Variants in GCNT2 observed in about 807,000 individuals in gnomAD.
GCNT2 encodes glucosaminyl (N-acetyl) transferase 2 (I blood group).
Under a neutral mutation model 34.2 loss-of-function variants are expected in GCNT2, and 34 were observed. The ratio of observed to expected loss-of-function variants is 1.00; its 90% CI spans 0.76 to 1.32. The LOEUF (loss-of-function observed/expected upper bound fraction) is 1.32, where lower values mean the gene tolerates loss of function less well. Among genes scored for constraint, GCNT2 ranks in the 40% most tolerant of loss-of-function variants. The pLI, the probability that GCNT2 is intolerant of heterozygous loss-of-function variation, is 0.00. For synonymous variants in GCNT2, 212 were observed against 188.0 expected (o/e 1.13, Z -1.04); for missense variants, 584 against 489.4 (o/e 1.19, Z -1.82).
chr6:10,556,380 T>TA (rs746013820), intron 3 of GCNT2: 39 of 1,611,822 alleles, frequency 2.4e-5, no homozygotes, highest in East Asian at 8.9e-5. Flanking sequence ...AAAAAAGACT[T>TA]ACAGATTTTG....
At chr6:10,587,187 C>T (rs567851217) in intron 3 of GCNT2, among the ~76,000 whole-genome samples, 26 of 152,296 alleles carry the variant, frequency 1.7e-4, no homozygotes, top group Admixed American at 1.4e-3. Flanking sequence ...TAATACTTTT[C>T]GTAGTCCTTG....
intron 3 of GCNT2, among the ~76,000 whole-genome samples, chr6:10,567,204 A>G (rs569141228): frequency 6.6e-6 from 1 of 152,328 alleles, no homozygotes; most frequent in South Asian, 2.1e-4. Context: ...ACACACCTGT[A>G]TTCCCAGCTA....
chr6:10,527,617 CAGA>C lies in GCNT2; in HGVS notation c.-324_-322del, dbSNP rs1561775771. ...GTATAATCTGATTGGCATGGACTCACAGAGGAGGGAGTAAGGGAAGAGTAAGAA... is the reference window on the plus strand; with the variant it reads ...GTATAATCTGATTGGCATGGACTCACGGAGGGAGTAAGGGAAGAGTAAGAA... On this transcript the variant is annotated 5_prime_UTR_variant, in exon 2 of 5. Coordinates refer to ENST00000495262, the MANE Select transcript of GCNT2 (RefSeq NM_145649.5). The C allele has an allele frequency of 6.6e-6, 1 of 152,054 alleles. No homozygotes were observed. Among genetic ancestry groups the C allele is most frequent in the African/African-American group, 2.4e-5 (1 of 41,378 alleles). The allele number at this position is 152,054 out of a possible 1,614,324, so 9.4% of individuals were successfully genotyped here. A position where few individuals can be genotyped will look rare whatever the true frequency, so the allele number is the denominator to read the frequency against.
At chr6:10,586,292 G>C (rs538300967) in intron 3 of GCNT2, 1 of 1,614,134 alleles carries the variant, frequency 6.2e-7, no homozygotes, top group South Asian at 1.1e-5. Context: ...CCTATGTCAT[G>C]GTCATCCATA....
At chr6:10,582,022 ATATCATATG>A (rs1764091640) in intron 3 of GCNT2, 4 of 195,262 alleles carry the variant, frequency 2.0e-5, no homozygotes, top group Non-Finnish European at 3.6e-5. Context: ...ATATATGTAT[ATATCATATG>A]TATTATATGT....
At chr6:10,535,748 T>C (rs1193881031) in intron 3 of GCNT2, among the ~76,000 whole-genome samples, 1 of 152,272 alleles carries the variant, frequency 6.6e-6, no homozygotes, top group East Asian at 1.9e-4. Context: ...CAGCCTTTCC[T>C]GGGAGCAGGC....
chr6:10,565,632 C>T (rs1333207608), intron 3 of GCNT2, among the ~76,000 whole-genome samples: 2 of 152,204 alleles, frequency 1.3e-5, no homozygotes, highest in Non-Finnish European at 2.9e-5. Context: ...TGCCCGTTGC[C>T]TTTTCGCAAT....
intron 3 of GCNT2, among the ~76,000 whole-genome samples, chr6:10,616,696 G>A (rs1765782135): frequency 6.6e-6 from 1 of 152,146 alleles, no homozygotes; most frequent in East Asian, 1.9e-4. Context: ...CACAAACCCT[G>A]AGCTAGACAC....
intron 3 of GCNT2, among the ~76,000 whole-genome samples, chr6:10,598,013 G>C (rs567417099): frequency 6.6e-6 from 1 of 152,260 alleles, no homozygotes; most frequent in East Asian, 1.9e-4. Flanking sequence ...TTTAACCTTT[G>C]TCTGTAGATA....
chr6:10,596,294 C>T (rs878861242), intron 3 of GCNT2, among the ~76,000 whole-genome samples: 1 of 152,052 alleles, frequency 6.6e-6, no homozygotes, highest in East Asian at 1.9e-4. Flanking sequence ...GAGGCCTAGG[C>T]GGGTGGATCA....
chr6:10,563,027 C>T (rs114251021), intron 3 of GCNT2, among the ~76,000 whole-genome samples: 101 of 152,216 alleles, frequency 6.6e-4, no homozygotes, highest in African/African-American at 2.0e-3. Flanking sequence ...GTGTGGTGCA[C>T]GCCTGTAATC....
At chr6:10,542,026 G>T (rs1432670955) in intron 3 of GCNT2, among the ~76,000 whole-genome samples, 1 of 152,152 alleles carries the variant, frequency 6.6e-6, no homozygotes, top group Non-Finnish European at 1.5e-5. Flanking sequence ...CTTGGCGTCA[G>T]ATTGAATTCA....
At chr6:10,524,397 C>CT (rs1279488678) in intron 1 of GCNT2, among the ~76,000 whole-genome samples, 1 of 151,934 alleles carries the variant, frequency 6.6e-6, no homozygotes, top group Non-Finnish European at 1.5e-5. Flanking sequence ...AATTAACAGG[C>CT]ATGCGCCACC....
intron 3 of GCNT2, among the ~76,000 whole-genome samples, chr6:10,547,556 A>G (rs1357437626): frequency 6.6e-6 from 1 of 152,234 alleles, no homozygotes; most frequent in Non-Finnish European, 1.5e-5. Flanking sequence ...GTAGAGCCTT[A>G]TAATGATGAT....
At chr6:10,568,891 A>G (rs1763401800) in intron 3 of GCNT2, among the ~76,000 whole-genome samples, 1 of 152,186 alleles carries the variant, frequency 6.6e-6, no homozygotes, top group Non-Finnish European at 1.5e-5. Context: ...ATGGTAACAC[A>G]TCATGTCATT....
chr6:10,574,712 A>T, intron 3 of GCNT2: 1 of 432,190 alleles, frequency 2.3e-6, no homozygotes, highest in Non-Finnish European at 4.4e-6. Flanking sequence ...TTTGTTTTAC[A>T]GTCTAGAGGT....
chr6:10,561,682 T>G (rs1762991799), intron 3 of GCNT2, among the ~76,000 whole-genome samples: 1 of 152,234 alleles, frequency 6.6e-6, no homozygotes, highest in Non-Finnish European at 1.5e-5. Context: ...GCTCCTGTTT[T>G]TCCCTCGCTG....
At position 10,627,141 on chromosome 6, in the gene GCNT2, C is replaced by G. The variant is rs1766291408; in HGVS notation, c.*534C>G. 1 of 160,036 alleles carries G rather than the reference C, an allele frequency of 6.2e-6. No individual in the cohort carries two copies. The highest frequency in any genetic ancestry group is 1.8e-4 in the South Asian group (1 of 5,672). 9.9% of individuals were successfully genotyped at this position (160,036 alleles called of 1,614,324 possible). ...TACATCTTGTTTCTGAGTTTCAACA[C>G]TAGCATTTTTGGCTTACTCATGGAC... is the stretch of plus-strand genomic sequence containing the variant. On this transcript the variant is annotated 3_prime_UTR_variant, in exon 5 of 5. Coordinates refer to ENST00000495262, the MANE Select transcript of GCNT2 (RefSeq NM_145649.5).
chr6:10,529,916 G>GA, intron 3 of GCNT2, 80 bp downstream of exon 3: 2 of 1,112,642 alleles, frequency 1.8e-6, no homozygotes, highest in Admixed American at 1.9e-5. Context: ...GAAAAGAGTG[G>GA]AAAAAATGGG....
Sources: gnomAD v4.1 joint callset for allele counts (sites outside exome capture counted in the v4.1 genomes callset) on GRCh38, gnomAD v4.1.1 for gene constraint, MANE v1.5 for transcripts, NCBI Gene and HGNC (gene_info 2026-07-23, HGNC 2026-07-21) for gene names.